The following GTF2H1 variants were observed in gnomAD, a reference collection of about 807,000 sequenced individuals.
GTF2H1 encodes BTF2 p62.
Under a neutral mutation model 71.2 loss-of-function variants are expected in GTF2H1, and 16 were observed. That is an observed-to-expected ratio of 0.22 (90% CI 0.15 to 0.34). The LOEUF is 0.34. Among genes scored for constraint, GTF2H1 ranks in the 10% least tolerant of loss-of-function variants. The pLI, the probability that GTF2H1 is intolerant of heterozygous loss-of-function variation, is 1.00. For missense variants in GTF2H1, 498 were observed against 648.2 expected (o/e 0.77, Z 2.52); for synonymous variants, 215 against 219.0 (o/e 0.98, Z 0.16).
chr11:18,359,217 C>G (rs900532663), intron 13 of GTF2H1, among the ~76,000 whole-genome samples: 1 of 152,122 alleles, frequency 6.6e-6, no homozygotes, highest in Non-Finnish European at 1.5e-5. Context: ...TCACACTTAC[C>G]AGTATGCAGA....
At chr11:18,324,413 T>G (rs1378669778) in intron 1 of GTF2H1, 1 of 152,292 alleles carries the variant, frequency 6.6e-6, no homozygotes, top group African/African-American at 2.4e-5. Context: ...TGGTGCAGTG[T>G]GGGAGAAGAA....
Position 18,343,986 on chromosome 11 carries a change from A to G in GTF2H1, c.837+2379A>G, listed in dbSNP as rs746747718. ...CTGGGACTGTAGCACAGGCTACCAC[A>G]CCTGGCTAATTTTATTTTTTGTAGA... On this transcript the variant is annotated intron_variant, in intron 7 of 14. Transcript: ENST00000265963. 2.6e-5 allele frequency among the ~76,000 whole-genome samples: 4 copies of G among 152,002 alleles called. No homozygotes were observed. The East Asian group carries it at 7.7e-4, about 29-fold the overall frequency.
intron 7 of GTF2H1, among the ~76,000 whole-genome samples, chr11:18,343,537 C>T (rs947040511): frequency 2.0e-5 from 3 of 152,056 alleles, no homozygotes; most frequent in African/African-American, 7.3e-5. Context: ...AATGCATTCT[C>T]TCTATTCCAT....
At position 18,360,201 on chromosome 11, in the gene GTF2H1, C is replaced by T. The variant is rs190939958; in HGVS notation, c.1468-414C>T. 5.5e-5 allele frequency among the ~76,000 whole-genome samples: 8 copies of T among 145,902 alleles called. No individual in the cohort carries two copies. In the South Asian group the frequency reaches 1.1e-3, roughly 20 times the overall value. On this transcript the variant is annotated intron_variant, in intron 13 of 14. Coordinates refer to ENST00000265963, the MANE Select transcript of GTF2H1 (RefSeq NM_005316.4). The stretch of plus-strand genomic sequence containing the variant: ...GCAGTGGTGTGATCTCAGTTCACTG[C>T]AGCCTCCACCTCCTGGGTTCAACCA...
At chr11:18,338,773 C>T (rs972480456) in intron 4 of GTF2H1, among the ~76,000 whole-genome samples, 3 of 152,118 alleles carry the variant, frequency 2.0e-5, no homozygotes, top group Non-Finnish European at 4.4e-5. Flanking sequence ...TTTTAAAATA[C>T]ATATAATTTT....
Position 18,351,899 on chromosome 11 carries a change from A to G in GTF2H1, c.1072A>G (p.Ile358Val). Residue 358 changes from isoleucine to valine, a missense_variant, in exon 10 of 15, where the codon ATT becomes GTT. Coordinates refer to ENST00000265963, the MANE Select transcript of GTF2H1 (RefSeq NM_005316.4). The stretch of plus-strand genomic sequence containing the variant: ...ATTATAGGCGAAATTACAAGAGTCC[A>G]TTGAATATGAAGACTTGGGGAAAAA... ...AVKRAKLQESIEYEDLGKNNS... is the reference protein window; with the variant it reads ...AVKRAKLQESVEYEDLGKNNS... The G allele has an allele frequency of 3.8e-6, 6 of 1,563,582 alleles. No homozygotes were observed. The highest frequency in any genetic ancestry group is 5.3e-6 in the Non-Finnish European group (6 of 1,134,622).
At chr11:18,350,197 T>G (rs2133978841) in intron 9 of GTF2H1, among the ~76,000 whole-genome samples, 1 of 152,322 alleles carries the variant, frequency 6.6e-6, no homozygotes. Flanking sequence ...AATGAGAGAT[T>G]CAGAATTAAT....
intron 9 of GTF2H1, among the ~76,000 whole-genome samples, chr11:18,350,155 G>A (rs1865392583): frequency 6.6e-6 from 1 of 152,116 alleles, no homozygotes; most frequent in Admixed American, 6.5e-5. Flanking sequence ...ATTCTATAAA[G>A]GGTTACAATT....
At chr11:18,325,232 A>G (rs563701261) in intron 1 of GTF2H1, among the ~76,000 whole-genome samples, 1 of 152,322 alleles carries the variant, frequency 6.6e-6, no homozygotes, top group African/African-American at 2.4e-5. Flanking sequence ...GAGGTGCAGT[A>G]ATGTAAAGAT....
rs978410956 is a variant in GTF2H1 at position 18,365,992 on chromosome 11, C to T, written c.*123C>T. On this transcript the variant is annotated 3_prime_UTR_variant, in exon 15 of 15. Transcript: ENST00000265963. ...GGAGTGATAAGAAACATCTGCTCCA[C>T]GCCAACTCCCAGAGCTGATGCTATT... The T allele has an allele frequency of 1.4e-5, 9 of 665,716 alleles. No individual in the cohort carries two copies. Among genetic ancestry groups the T allele is most frequent in the Non-Finnish European group, 2.2e-5 (8 of 371,456 alleles). 41.2% of individuals were successfully genotyped at this position (665,716 alleles called of 1,614,324 possible).
intron 1 of GTF2H1, among the ~76,000 whole-genome samples, chr11:18,328,332 G>A (rs968987136): frequency 9.9e-5 from 15 of 151,674 alleles, no homozygotes; most frequent in Admixed American, 2.0e-4. Context: ...CCAACATGGC[G>A]AAACCCCGTC....
chr11:18,356,172 G>T (rs1043259652), intron 11 of GTF2H1, among the ~76,000 whole-genome samples: 17 of 152,050 alleles, frequency 1.1e-4, no homozygotes, highest in African/African-American at 4.1e-4. Flanking sequence ...TCACTTGAGA[G>T]CTCTAGACCA....
chr11:18,348,004 C>A, intron 9 of GTF2H1, 85 bp downstream of exon 9: 1 of 860,896 alleles, frequency 1.2e-6, no homozygotes, highest in Non-Finnish European at 2.0e-6. Flanking sequence ...ACGCTTATTT[C>A]CTGTGACTCA....
chr11:18,327,415 C>A (rs1429891575), intron 1 of GTF2H1, among the ~76,000 whole-genome samples: 1 of 152,180 alleles, frequency 6.6e-6, no homozygotes, highest in Non-Finnish European at 1.5e-5. Context: ...CAAAGACAGA[C>A]TGACCCAGAT....
At chr11:18,365,652 A>T in intron 14 of GTF2H1, 131 bp from the exon 15 acceptor site, 1 of 650,928 alleles carries the variant, frequency 1.5e-6, no homozygotes, top group Non-Finnish European at 2.8e-6. Flanking sequence ...GGGCTTGCAC[A>T]TTACCTCATT....
intron 9 of GTF2H1, 76 bp downstream of exon 9, chr11:18,347,995 C>A: frequency 1.1e-6 from 1 of 912,554 alleles, no homozygotes; most frequent in Non-Finnish European, 1.8e-6. Flanking sequence ...GTACTGTATA[C>A]GCTTATTTCC....
At chr11:18,336,423 C>T (rs1391606119) in intron 3 of GTF2H1, among the ~76,000 whole-genome samples, 1 of 151,984 alleles carries the variant, frequency 6.6e-6, no homozygotes, top group Admixed American at 6.6e-5. Context: ...CCACCACGCC[C>T]GGCCACCTAT....
At chr11:18,361,359 T>A (rs1865691714) in intron 14 of GTF2H1, among the ~76,000 whole-genome samples, 1 of 152,122 alleles carries the variant, frequency 6.6e-6, no homozygotes. Context: ...ATCTCCATGC[T>A]TTCCCTTAGA....
At chr11:18,360,474 A>G (rs2037867) in intron 13 of GTF2H1, 141 bp from the exon 14 acceptor site, 246,898 of 520,434 alleles carry the variant, frequency 0.47, 62,836 homozygotes, top group East Asian at 0.57. Flanking sequence ...ACAATGTGAT[A>G]TAATTGGTAT....
Sources: gnomAD v4.1 joint callset for allele counts (sites outside exome capture counted in the v4.1 genomes callset) on GRCh38, gnomAD v4.1.1 for gene constraint, MANE v1.5 for transcripts, NCBI Gene and HGNC (gene_info 2026-07-23, HGNC 2026-07-21) for gene names.